Variants in RELN observed in about 807,000 individuals in gnomAD.
RELN encodes reelin.
Under a neutral mutation model 427.6 loss-of-function variants are expected in RELN, and 108 were observed. That is an observed-to-expected ratio of 0.25 (90% CI 0.22 to 0.30). The LOEUF is 0.30. Ranked by LOEUF, RELN falls within the 10% of genes least tolerant of loss-of-function variation. The pLI is 1.00. For missense variants in RELN, 3,715 were observed against 4,302.8 expected (o/e 0.86, Z 3.82); for synonymous variants, 1,524 against 1,513.4 (o/e 1.01, Z -0.16).
chr7:103,610,168 T>A (rs559625575), intron 22 of RELN, among the ~76,000 whole-genome samples: 1 of 152,354 alleles, frequency 6.6e-6, no homozygotes, highest in African/African-American at 2.4e-5. Context: ...CTATTGTGCT[T>A]TTTTCTTTCA....
At chr7:103,483,956 TACA>T in intron 61 of RELN, 106 bp from the exon 62 acceptor site, 1 of 1,121,402 alleles carries the variant, frequency 8.9e-7, no homozygotes, top group East Asian at 2.6e-5. Flanking sequence ...CTCGGCTCAC[TACA>T]ACGTCTGCCT....
intron 2 of RELN, among the ~76,000 whole-genome samples, chr7:103,910,707 C>CA (rs1795345711): frequency 7.5e-6 from 1 of 132,660 alleles, no homozygotes; most frequent in African/African-American, 3.0e-5. Flanking sequence ...CACATACCTA[C>CA]AACTATCTGA....
intron 2 of RELN, among the ~76,000 whole-genome samples, chr7:103,843,998 T>G (rs1793617515): frequency 6.6e-6 from 1 of 152,230 alleles, no homozygotes; most frequent in South Asian, 2.1e-4. Context: ...GGCAACATGC[T>G]GGCTACCTGT....
Position 103,756,245 on chromosome 7 carries a change from A to G in RELN, c.545-3031T>C, listed in dbSNP as rs138160252. Among the ~76,000 whole-genome samples, 47 of 152,322 alleles carry G rather than the reference A, an allele frequency of 3.1e-4. 1 individual carries two copies. The East Asian group carries it at 8.7e-3, about 28-fold the overall frequency. ...GCTTTCACTGAAACATATACATCAC[A>G]ATCAGCAGGAGAGGGCCATTTTAGA... On this transcript the variant is annotated intron_variant, in intron 4 of 64. Coordinates refer to ENST00000428762, the MANE Select transcript of RELN (RefSeq NM_005045.4).
At chr7:103,502,401 T>C (rs1158274896) in intron 52 of RELN, among the ~76,000 whole-genome samples, 2 of 152,262 alleles carry the variant, frequency 1.3e-5, no homozygotes, top group Non-Finnish European at 2.9e-5. Flanking sequence ...TTATTTTCTT[T>C]TGTGTATCTT....
chr7:103,813,754 A>T (rs1792801471), intron 3 of RELN, among the ~76,000 whole-genome samples: 1 of 152,110 alleles, frequency 6.6e-6, no homozygotes, highest in African/African-American at 2.4e-5. Flanking sequence ...GAAAAAGAGG[A>T]AAGCTTGAAG....
At chr7:103,916,158 T>C (rs1795476962) in intron 2 of RELN, among the ~76,000 whole-genome samples, 1 of 152,210 alleles carries the variant, frequency 6.6e-6, no homozygotes, top group Admixed American at 6.5e-5. Flanking sequence ...ACTGTTGCTC[T>C]GACATCAGCC....
intron 41 of RELN, among the ~76,000 whole-genome samples, chr7:103,548,563 C>G (rs778514633): frequency 1.3e-5 from 2 of 152,172 alleles, no homozygotes; most frequent in Non-Finnish European, 2.9e-5. Context: ...CAGTTTGAAA[C>G]GTGGGTTTAT....
chr7:103,486,271 A>G lies in RELN; in HGVS notation c.9909T>C (p.His3303=), dbSNP rs747444295. 3 of 1,614,176 alleles carry G rather than the reference A, an allele frequency of 1.9e-6. No individual in the cohort carries two copies. The highest frequency in any genetic ancestry group is 1.7e-6 in the Non-Finnish European group (2 of 1,180,014). The change falls in exon 61 of 65, where the codon CAT becomes CAC. Residue 3303 remains histidine, a synonymous_variant. Transcript: ENST00000428762. ...AGCCATTAAAGTACAGTGAGTCTCC[A>G]TGGGCGTAGGGGGCCAGCTGCCCAC... ...SGCGQLAPYA[H]GDSLYFNGCQ... is the part of the protein sequence containing the mutation.
rs1454120263 is a variant in RELN at position 103,904,975 on chromosome 7, C to CTCTTTTTTTT, written c.337+12099_337+12100insAAAAAAAAGA. Among the ~76,000 whole-genome samples, 3 of 77,328 alleles carry CTCTTTTTTTT rather than the reference C, an allele frequency of 3.9e-5. No homozygotes were observed. In the East Asian group the frequency reaches 1.3e-3, roughly 35 times the overall value. 50.7% of individuals were successfully genotyped at this position (77,328 alleles called of 152,430 possible). On this transcript the variant is annotated intron_variant, in intron 2 of 64. Transcript: ENST00000428762. The stretch of plus-strand genomic sequence containing the variant: ...ACTGCCAATCCCTTGAAGTTCTTTC[C>CTCTTTTTTTT]TTTTTTTTTTTTTTTTTTTTTTTTT...
intron 10 of RELN, among the ~76,000 whole-genome samples, chr7:103,686,001 C>T (rs1833757675): frequency 6.6e-6 from 1 of 152,144 alleles, no homozygotes; most frequent in Non-Finnish European, 1.5e-5. Flanking sequence ...TTTGCCTCTA[C>T]CATTGTTTTA....
At chr7:103,984,016 A>G (rs1162387996) in intron 1 of RELN, among the ~76,000 whole-genome samples, 1 of 152,222 alleles carries the variant, frequency 6.6e-6, no homozygotes, top group African/African-American at 2.4e-5. Context: ...TATGAAGATT[A>G]AAGATATAAC....
At chr7:103,549,911 G>A (rs362780) in intron 41 of RELN, among the ~76,000 whole-genome samples, 13,507 of 152,208 alleles carry the variant, frequency 0.089, 911 homozygotes, top group African/African-American at 0.19. Context: ...CCCACAACCA[G>A]TGGTAGCTTT....
At chr7:103,868,219 T>C (rs2116515799) in intron 2 of RELN, among the ~76,000 whole-genome samples, 1 of 152,182 alleles carries the variant, frequency 6.6e-6, no homozygotes, top group Non-Finnish European at 1.5e-5. Context: ...TGGGAACCAA[T>C]TTGGAAATTC....
chr7:103,758,880 G>T (rs1271255972), intron 4 of RELN, among the ~76,000 whole-genome samples: 1 of 151,690 alleles, frequency 6.6e-6, no homozygotes, highest in Non-Finnish European at 1.5e-5. Context: ...CAAAGATTTA[G>T]ATCAGCAATG....
At chr7:103,623,478 A>C (rs761845943) in intron 20 of RELN, among the ~76,000 whole-genome samples, 1 of 152,222 alleles carries the variant, frequency 6.6e-6, no homozygotes, top group Non-Finnish European at 1.5e-5. Flanking sequence ...AAAGATTGTC[A>C]GTAATTTTTT....
intron 4 of RELN, among the ~76,000 whole-genome samples, chr7:103,755,732 C>T (rs141654251): frequency 5.5e-4 from 20 of 36,182 alleles, no homozygotes; most frequent in African/African-American, 1.4e-3. Flanking sequence ...AGGAGAATGG[C>T]GTGAACTTGG....
intron 6 of RELN, among the ~76,000 whole-genome samples, chr7:103,734,104 CT>C (rs1377782172): frequency 6.6e-6 from 1 of 152,096 alleles, no homozygotes; most frequent in Non-Finnish European, 1.5e-5. Flanking sequence ...ACAAAAACTA[CT>C]GTTGTTTATT....
intron 20 of RELN, among the ~76,000 whole-genome samples, chr7:103,616,633 C>T (rs1650798400): frequency 6.6e-6 from 1 of 152,208 alleles, no homozygotes; most frequent in African/African-American, 2.4e-5. Context: ...GGTAAAAATA[C>T]TTCCAGACAG....
Sources: gnomAD v4.1 joint callset for allele counts (sites outside exome capture counted in the v4.1 genomes callset) on GRCh38, gnomAD v4.1.1 for gene constraint, MANE v1.5 for transcripts, NCBI Gene and HGNC (gene_info 2026-07-23, HGNC 2026-07-21) for gene names.